The following CTSS variants were observed in gnomAD, a reference collection of about 807,000 sequenced individuals.
CTSS encodes the protein cathepsin S.
A neutral mutation model predicts 39.9 loss-of-function variants in CTSS; 15 were observed. The observed-to-expected ratio is 0.38, with a 90% CI of 0.25 to 0.58. CTSS has a LOEUF of 0.58. Ranked by LOEUF, CTSS falls within the 20% of genes least tolerant of loss-of-function variation. The probability of loss-of-function intolerance (pLI) is 0.70; values close to 1 mark genes in which losing one functional copy is unlikely to be tolerated. For synonymous variants in CTSS, 126 were observed against 138.2 expected, an observed-to-expected ratio of 0.91 and a Z score of 0.62; for missense variants, 250 against 398.2, an observed-to-expected ratio of 0.63 and a Z score of 3.17.
intron 7 of CTSS, among the ~76,000 whole-genome samples, chr1:150,742,691 G>C (rs1652792204): frequency 6.6e-6 from 1 of 152,052 alleles, no homozygotes; most frequent in Non-Finnish European, 1.5e-5. Context: ...ATGGCAAAGA[G>C]AAAATACATA....
chr1:150,746,077 T>C (rs754942092), intron 7 of CTSS, among the ~76,000 whole-genome samples: 19 of 152,202 alleles, frequency 1.2e-4, no homozygotes, highest in African/African-American at 3.6e-4. Context: ...ACTGTCTGTT[T>C]CTGTAAGTTT....
chr1:150,763,325 G>A (rs1266870789), intron 2 of CTSS, among the ~76,000 whole-genome samples: 1 of 152,110 alleles, frequency 6.6e-6, no homozygotes, highest in Non-Finnish European at 1.5e-5. Context: ...TAGGCAAAGA[G>A]TACAGAGTTT....
At chr1:150,734,103 A>G (rs1571089995) in intron 7 of CTSS, among the ~76,000 whole-genome samples, 1 of 151,028 alleles carries the variant, frequency 6.6e-6, no homozygotes, top group Non-Finnish European at 1.5e-5. Flanking sequence ...ATCTCAGCTC[A>G]CCGCAGCCTC....
intron 2 of CTSS, among the ~76,000 whole-genome samples, chr1:150,764,389 C>A (rs1313635744): frequency 6.6e-6 from 1 of 152,118 alleles, no homozygotes; most frequent in African/African-American, 2.4e-5. Flanking sequence ...AGGCGCCCAC[C>A]ACCACATCCA....
Position 150,730,335 on chromosome 1 carries a change from A to T in CTSS, c.*2711T>A, listed in dbSNP as rs886692143. ...GAGCAGCCAGTGATGTAGAAATGTC[A>T]TAGGGCAAAGTGTGAACAAGCTAAA... On this transcript the variant is annotated 3_prime_UTR_variant, in exon 8 of 8. Coordinates refer to ENST00000368985, the MANE Select transcript of CTSS (RefSeq NM_004079.5). The T allele has an allele frequency of 6.6e-6, 1 of 152,202 alleles. No homozygotes were observed. The highest frequency in any genetic ancestry group is 1.5e-5 in the Non-Finnish European group (1 of 68,016). The allele number at this position is 152,202 out of a possible 1,614,324, so 9.4% of individuals were successfully genotyped here. A position where few individuals can be genotyped will look rare whatever the true frequency, so the allele number is the denominator to read the frequency against.
intron 3 of CTSS, among the ~76,000 whole-genome samples, chr1:150,756,071 T>G (rs1189574188): frequency 6.6e-6 from 1 of 152,206 alleles, no homozygotes; most frequent in Admixed American, 6.5e-5. Context: ...TATCACCTTC[T>G]TCTATAAGCT....
chr1:150,749,333 A>T (rs1652956219), intron 6 of CTSS, among the ~76,000 whole-genome samples: 1 of 152,196 alleles, frequency 6.6e-6, no homozygotes, highest in African/African-American at 2.4e-5. Flanking sequence ...CTGAACACAC[A>T]AATGACAAGA....
intron 7 of CTSS, among the ~76,000 whole-genome samples, chr1:150,735,983 C>T (rs976070188): frequency 4.6e-5 from 7 of 152,068 alleles, no homozygotes; most frequent in African/African-American, 7.2e-5. Context: ...TGGTCTCGAT[C>T]TCCTGACCTT....
chr1:150,736,085 T>A (rs1034789781), intron 7 of CTSS, among the ~76,000 whole-genome samples: 1 of 152,028 alleles, frequency 6.6e-6, no homozygotes, highest in African/African-American at 2.4e-5. Flanking sequence ...AAAGAAGAGG[T>A]CTCACTATGT....
At chr1:150,761,148 C>T (rs1653249026) in intron 2 of CTSS, among the ~76,000 whole-genome samples, 1 of 144,234 alleles carries the variant, frequency 6.9e-6, no homozygotes, top group African/African-American at 2.6e-5. Context: ...CACTGCACTC[C>T]AGCCTGGGCG....
chr1:150,758,841 C>T (rs1003083442), intron 2 of CTSS, among the ~76,000 whole-genome samples: 5 of 149,692 alleles, frequency 3.3e-5, no homozygotes, highest in South Asian at 2.1e-4. Flanking sequence ...TAAGCCACCG[C>T]GCCCAGCATT....
intron 4 of CTSS, among the ~76,000 whole-genome samples, chr1:150,752,858 T>C (rs1391456308): frequency 6.6e-6 from 1 of 151,970 alleles, no homozygotes; most frequent in Non-Finnish European, 1.5e-5. Flanking sequence ...TACTTCTTTT[T>C]GTTTGTTTGT....
At chr1:150,743,512 T>C (rs1463787159) in intron 7 of CTSS, among the ~76,000 whole-genome samples, 1 of 140,362 alleles carries the variant, frequency 7.1e-6, no homozygotes, top group Non-Finnish European at 1.5e-5. Flanking sequence ...TATATATATA[T>C]ATATATATTT....
Position 150,747,991 on chromosome 1 carries a change from T to C in CTSS, c.794-112A>G, listed in dbSNP as rs1652923080. The C allele has an allele frequency of 6.8e-6, 5 of 731,806 alleles. No individual in the cohort carries two copies. In the South Asian group the frequency reaches 9.0e-5, roughly 13 times the overall value. 45.3% of individuals were successfully genotyped at this position (731,806 alleles called of 1,614,324 possible). On this transcript the variant is annotated intron_variant, in intron 6 of 7. Transcript: ENST00000368985. ...TGCTTTGGATACATAGCAAGGTTAA[T>C]TTAAAAAGTTAAGGACATGTCCAGG...
chr1:150,757,620 G>T (rs375663492), intron 3 of CTSS, among the ~76,000 whole-genome samples: 3 of 151,952 alleles, frequency 2.0e-5, no homozygotes, highest in South Asian at 4.2e-4. Flanking sequence ...AACAATGGTA[G>T]TCTCTGAGTT....
chr1:150,762,774 G>A (rs1314584608), intron 2 of CTSS, among the ~76,000 whole-genome samples: 3 of 152,162 alleles, frequency 2.0e-5, no homozygotes, highest in African/African-American at 4.8e-5. Context: ...TGAAAGATAA[G>A]TGTTGGTGAG....
In CTSS at chr1:150,731,982, A is replaced by T. The variant is rs1226863985; in HGVS notation, c.*1064T>A. 1 of 152,250 alleles carries T rather than the reference A, an allele frequency of 6.6e-6. No individual in the cohort carries two copies. The highest frequency in any genetic ancestry group is 1.9e-4 in the East Asian group (1 of 5,206). The allele number at this position is 152,250 out of a possible 1,614,324, so 9.4% of individuals were successfully genotyped here. ...AGTGCAGTGGTGCAATTACAAGCTC[A>T]CTGCATTCTCAACCTCCTGGGCTCT... On this transcript the variant is annotated 3_prime_UTR_variant, in exon 8 of 8. Transcript: ENST00000368985.
At chr1:150,759,912 G>A (rs1305396251) in intron 2 of CTSS, among the ~76,000 whole-genome samples, 1 of 151,960 alleles carries the variant, frequency 6.6e-6, no homozygotes, top group African/African-American at 2.4e-5. Context: ...CTTGGAGCAA[G>A]GTTTTACTGT....
chr1:150,759,422 T>C (rs1205034664), intron 2 of CTSS, among the ~76,000 whole-genome samples: 1 of 152,144 alleles, frequency 6.6e-6, no homozygotes, highest in African/African-American at 2.4e-5. Context: ...TGCGTTTTCA[T>C]ATATTTTTCT....
Sources: allele counts gnomAD v4.1 joint callset (sites outside exome capture counted in the v4.1 genomes callset), GRCh38; gene constraint gnomAD v4.1.1; transcripts MANE v1.5; gene names NCBI Gene and HGNC (gene_info 2026-07-23, HGNC 2026-07-21).